The following LYRM4 variants were observed in gnomAD, a reference collection of about 807,000 sequenced individuals.
LYRM4 encodes the protein LYR motif-containing protein 4.
Under a neutral mutation model 11.7 loss-of-function variants are expected in LYRM4, and 9 were observed. The ratio of observed to expected loss-of-function variants is 0.77; its 90% CI spans 0.46 to 1.34. The LOEUF is 1.34. Ranked by LOEUF, LYRM4 falls within the 40% of genes most tolerant of loss-of-function variation. The pLI, the probability that LYRM4 is intolerant of heterozygous loss-of-function variation, is 0.00. For missense variants in LYRM4, 133 were observed against 112.5 expected, an observed-to-expected ratio of 1.18 and a Z score of -0.82; for synonymous variants, 42 against 40.4, an observed-to-expected ratio of 1.04 and a Z score of -0.15.
At chr6:5,172,489 C>T (rs116706188) in intron 2 of LYRM4, among the ~76,000 whole-genome samples, 2,001 of 152,254 alleles carry the variant, frequency 0.013, 39 homozygotes, top group African/African-American at 0.044. Context: ...CGACCCTACC[C>T]TGCTTTGAAA....
intron 2 of LYRM4, among the ~76,000 whole-genome samples, chr6:5,149,181 T>C (rs1757949452): frequency 6.6e-6 from 1 of 152,232 alleles, no homozygotes; most frequent in Non-Finnish European, 1.5e-5. Flanking sequence ...TTTCAGGTTT[T>C]CAAAAATAAG....
chr6:5,252,838 G>A (rs773963324), intron 1 of LYRM4, among the ~76,000 whole-genome samples: 2 of 152,008 alleles, frequency 1.3e-5, no homozygotes, highest in Non-Finnish European at 2.9e-5. Flanking sequence ...GAGGAACACC[G>A]AGACTCACAC....
the LYRM4 span, among the ~76,000 whole-genome samples, chr6:5,071,072 C>T: frequency 1.3e-5 from 2 of 151,520 alleles, no homozygotes; most frequent in Non-Finnish European, 2.9e-5. Context: ...CCTATAACCC[C>T]AGCTAACTCG....
the LYRM4 span, among the ~76,000 whole-genome samples, chr6:5,035,501 C>T: frequency 4.0e-5 from 6 of 149,968 alleles, no homozygotes; most frequent in Middle Eastern, 3.2e-3. Flanking sequence ...CCACCTCCCC[C>T]ACCAGCTGCT....
chr6:5,256,651 C>T (rs1362639179), intron 1 of LYRM4, among the ~76,000 whole-genome samples: 3 of 151,812 alleles, frequency 2.0e-5, no homozygotes, highest in African/African-American at 4.8e-5. Flanking sequence ...TGCGTGGGGT[C>T]ACACAGAGTT....
At chr6:5,137,124 G>C (rs1476614999) in intron 2 of LYRM4, among the ~76,000 whole-genome samples, 1 of 152,116 alleles carries the variant, frequency 6.6e-6, no homozygotes. Context: ...CTTTCCCGTA[G>C]CATAATGTTC....
intron 2 of LYRM4, among the ~76,000 whole-genome samples, chr6:5,198,560 C>T (rs111445032): frequency 3.6e-4 from 55 of 152,336 alleles, no homozygotes; most frequent in Middle Eastern, 3.4e-3. Flanking sequence ...GGGAGGGCCA[C>T]AGGGAGCAGT....
At chr6:5,200,988 T>C (rs1374099486) in intron 2 of LYRM4, among the ~76,000 whole-genome samples, 1 of 152,192 alleles carries the variant, frequency 6.6e-6, no homozygotes, top group African/African-American at 2.4e-5. Context: ...TACTGTAATG[T>C]ATAAGAACAA....
intron 2 of LYRM4, among the ~76,000 whole-genome samples, chr6:5,170,741 A>G (rs944394342): frequency 2.0e-5 from 3 of 152,194 alleles, no homozygotes; most frequent in Non-Finnish European, 1.5e-5. Flanking sequence ...TTTCTCCCCA[A>G]TTGGGGATGT....
the LYRM4 span, chr6:5,089,161 T>C: frequency 6.6e-6 from 1 of 152,220 alleles, no homozygotes; most frequent in Non-Finnish European, 1.5e-5. Flanking sequence ...TAATGAATAC[T>C]TAATTCATAT....
At chr6:5,048,459 C>T in the LYRM4 span, among the ~76,000 whole-genome samples, 36 of 152,160 alleles carry the variant, frequency 2.4e-4, no homozygotes, top group Admixed American at 5.2e-4. Context: ...GGACTACTGG[C>T]GCATGACACC....
At chr6:5,123,153 C>CACAGGGCCTG (rs576195189) in intron 2 of LYRM4, among the ~76,000 whole-genome samples, 4 of 152,214 alleles carry the variant, frequency 2.6e-5, no homozygotes, top group Non-Finnish European at 4.4e-5. Flanking sequence ...CGCCTTGAGC[C>CACAGGGCCTG]ACAGGGCCTG....
intron 2 of LYRM4, among the ~76,000 whole-genome samples, chr6:5,208,691 G>A (rs1236662242): frequency 6.6e-6 from 1 of 152,168 alleles, no homozygotes; most frequent in South Asian, 2.1e-4. Context: ...CCACAGGAAC[G>A]CCAACTATGG....
chr6:5,085,950 G>A, the LYRM4 span: 14 of 1,527,022 alleles, frequency 9.2e-6, no homozygotes, highest in South Asian at 1.6e-4. Flanking sequence ...AGGAGCCGCA[G>A]GTGCCGCCCG....
At chr6:5,119,794 CAAAAAAAA>C (rs968606439) in intron 2 of LYRM4, among the ~76,000 whole-genome samples, 1 of 16,886 alleles carries the variant, frequency 5.9e-5, no homozygotes, top group Admixed American at 7.8e-4. Flanking sequence ...GTCTCCATAA[CAAAAAAAA>C]AAAAAAAAAA....
intron 2 of LYRM4, among the ~76,000 whole-genome samples, chr6:5,169,714 A>G (rs993659895): frequency 2.6e-4 from 40 of 152,224 alleles, no homozygotes; most frequent in Non-Finnish European, 1.2e-4. Context: ...CACAATTTAC[A>G]ATTACACGCT....
Position 5,260,933 on chromosome 6 carries a change from C to T in LYRM4, c.-200G>A. 1 of 1,349,358 alleles carries T rather than the reference C, an allele frequency of 7.4e-7. No homozygotes were observed. The highest frequency in any genetic ancestry group is 3.5e-5 in the Admixed American group (1 of 28,316). 83.6% of individuals were successfully genotyped at this position (1,349,358 alleles called of 1,614,324 possible). A position where few individuals can be genotyped will look rare whatever the true frequency, so the allele number is the denominator to read the frequency against. ...CAGGCGTCCCGCGCCGCTTCGGGGG[C>T]GGGCGCAGGCAGGGCTCGGGGCAGC... On this transcript the variant is annotated 5_prime_UTR_variant, in exon 1 of 3. Coordinates refer to ENST00000330636, the MANE Select transcript of LYRM4 (RefSeq NM_020408.6).
At position 5,157,564 on chromosome 6, in the gene LYRM4, T is replaced by A. The variant is rs1309856472; in HGVS notation, c.208-48073A>T. ...TTACATTTTCAACAGTATGCCTTAA[T>A]GACAGAAGGAATCATGTAGGTTACT... On this transcript the variant is annotated intron_variant, in intron 2 of 2. Coordinates refer to ENST00000330636, the MANE Select transcript of LYRM4 (RefSeq NM_020408.6). Among the ~76,000 whole-genome samples the A allele has an allele frequency of 4.0e-5, 6 of 150,886 alleles. No individual in the cohort carries two copies. In the South Asian group the frequency reaches 1.0e-3, roughly 26 times the overall value.
At chr6:5,073,357 A>T in the LYRM4 span, among the ~76,000 whole-genome samples, 1 of 151,920 alleles carries the variant, frequency 6.6e-6, no homozygotes, top group Non-Finnish European at 1.5e-5. Flanking sequence ...GTGACAGAGC[A>T]AGACTGTTAA....
Sources: gnomAD v4.1 joint callset for allele counts (sites outside exome capture counted in the v4.1 genomes callset) on GRCh38, gnomAD v4.1.1 for gene constraint, MANE v1.5 for transcripts, NCBI Gene and HGNC (gene_info 2026-07-23, HGNC 2026-07-21) for gene names.